The following ASS1 variants were observed in gnomAD, a reference collection of about 807,000 sequenced individuals.
ASS1 encodes argininosuccinate synthase.
Under a neutral mutation model 60.5 loss-of-function variants are expected in ASS1, and 58 were observed. The observed-to-expected ratio is 0.96, with a 90% confidence interval of 0.78 to 1.19. ASS1 has a LOEUF of 1.19. ASS1 is among the 50% of genes most tolerant of loss of function. The pLI, the probability that ASS1 is intolerant of heterozygous loss-of-function variation, is 0.00. For missense variants in ASS1, 454 were observed against 547.3 expected, an observed-to-expected ratio of 0.83 and a Z score of 1.70; for synonymous variants, 200 against 206.9, an observed-to-expected ratio of 0.97 and a Z score of 0.29.
intron 13 of ASS1, among the ~76,000 whole-genome samples, chr9:130,498,950 G>A (rs1349743015): frequency 6.6e-6 from 1 of 152,188 alleles, no homozygotes; most frequent in Non-Finnish European, 1.5e-5. Flanking sequence ...ACTGGCAGTG[G>A]GTGCCCAGGT....
intron 11 of ASS1, among the ~76,000 whole-genome samples, chr9:130,487,675 A>C (rs1321701244): frequency 6.6e-6 from 1 of 151,772 alleles, no homozygotes; most frequent in African/African-American, 2.4e-5. Context: ...TGGAACATAC[A>C]GTGTTTGTTT....
At chr9:130,467,721 G>A (rs1290769472) in intron 6 of ASS1, among the ~76,000 whole-genome samples, 2 of 152,184 alleles carry the variant, frequency 1.3e-5, no homozygotes, top group South Asian at 4.1e-4. Context: ...TAAGGGAGCC[G>A]GGTTGGTGAG....
At chr9:130,498,991 T>C (rs1279682814) in intron 13 of ASS1, among the ~76,000 whole-genome samples, 1 of 152,144 alleles carries the variant, frequency 6.6e-6, no homozygotes, top group Non-Finnish European at 1.5e-5. Context: ...GTCTAACTGG[T>C]TGGACACATG....
rs1846409860 is a variant in ASS1, at chr9:130,489,952, A to G, written c.970+488A>G. On this transcript the variant is annotated intron_variant, in intron 12 of 14. Transcript: ENST00000352480. The surrounding 1 kb of genome is among the most constrained non-coding windows in gnomAD (Gnocchi z 4.1). ...TCCAGGAAGAACCTGGACCTACTCC[A>G]TGAACTTGAGGGAGAGGCTCCCTGG... Among the ~76,000 whole-genome samples, 1 of 152,242 alleles carries G rather than the reference A, an allele frequency of 6.6e-6. No individual in the cohort carries two copies. The highest frequency in any genetic ancestry group is 1.5e-5 in the Non-Finnish European group (1 of 68,038).
At chr9:130,474,556 TGGAGA>T (rs1845968595) in intron 8 of ASS1, among the ~76,000 whole-genome samples, 1 of 152,190 alleles carries the variant, frequency 6.6e-6, no homozygotes, top group Admixed American at 6.5e-5. Flanking sequence ...CCCAGGCAGC[TGGAGA>T]TGGGGCTGTG....
intron 11 of ASS1, among the ~76,000 whole-genome samples, chr9:130,486,989 G>A (rs1242298466): frequency 6.6e-6 from 1 of 151,362 alleles, no homozygotes; most frequent in Non-Finnish European, 1.5e-5. Context: ...GAGACCCCGG[G>A]GCCGGGCCCA....
At position 130,476,794 on chromosome 9, in the gene ASS1, G is replaced by C; in HGVS notation, c.598-77G>C. 7.4e-7 allele frequency: 1 copy of C among 1,359,254 alleles called. No individual in the cohort carries two copies. Among genetic ancestry groups the C allele is most frequent in the Non-Finnish European group, 1.1e-6 (1 of 949,564 alleles). 84.2% of individuals were successfully genotyped at this position (1,359,254 alleles called of 1,614,324 possible). ...GAAATGGACAGAGGAGAGGGGTGCA[G>C]ATCCCCGCGGGAGGTGGGCTGTAGG... On this transcript the variant is annotated intron_variant, in intron 8 of 14. Transcript: ENST00000352480. The surrounding 1 kb of genome is among the most constrained non-coding windows in gnomAD (Gnocchi z 4.9).
At chr9:130,463,006 T>C (rs914971) in intron 4 of ASS1, among the ~76,000 whole-genome samples, 98,467 of 152,180 alleles carry the variant, frequency 0.65, 36,474 homozygotes, top group East Asian at 0.97. Context: ...ACATAGTAGG[T>C]GCTCACTAAA....
chr9:130,480,535 C>T, intron 11 of ASS1, 86 bp downstream of exon 11: 1 of 1,451,006 alleles, frequency 6.9e-7, no homozygotes, highest in Non-Finnish European at 9.5e-7. Flanking sequence ...TTGGACGCTA[C>T]TACCCCCATG....
At chr9:130,471,768 A>G (rs1362602014) in intron 8 of ASS1, among the ~76,000 whole-genome samples, 1 of 152,130 alleles carries the variant, frequency 6.6e-6, no homozygotes, top group Non-Finnish European at 1.5e-5. Context: ...GGGGAAGGAA[A>G]TATCTCAGGG....
At chr9:130,497,910 A>G (rs1399274172) in intron 13 of ASS1, among the ~76,000 whole-genome samples, 1 of 152,206 alleles carries the variant, frequency 6.6e-6, no homozygotes, top group Non-Finnish European at 1.5e-5. Context: ...CTGCACAGAA[A>G]GGGGTGGCCA....
chr9:130,472,374 C>T (rs1045001923), intron 8 of ASS1, among the ~76,000 whole-genome samples: 5 of 152,132 alleles, frequency 3.3e-5, no homozygotes, highest in South Asian at 2.1e-4. Context: ...CTCTCACGCC[C>T]GCGTGCCGCC....
intron 8 of ASS1, among the ~76,000 whole-genome samples, chr9:130,474,318 G>C (rs955150203): frequency 6.6e-6 from 1 of 152,210 alleles, no homozygotes; most frequent in Admixed American, 6.5e-5. Flanking sequence ...GCGGTCTGCA[G>C]AAACTCGTCC....
chr9:130,470,728 A>G lies in ASS1; in HGVS notation c.496-106A>G, dbSNP rs2131886309. On this transcript the variant is annotated intron_variant, in intron 6 of 14. Coordinates refer to ENST00000352480, the MANE Select transcript of ASS1 (RefSeq NM_054012.4). The surrounding 1 kb of genome is among the most constrained non-coding windows in gnomAD (Gnocchi z 4.3). ...AGGAGGTAGCCAGGGTCTTGTCTGA[A>G]TGGGGGCCAGAGTTTGGGGCTCTCT... is the stretch of plus-strand genomic sequence containing the variant. 7 of 1,129,694 alleles carry G rather than the reference A, an allele frequency of 6.2e-6. No homozygotes were observed. The East Asian group carries it at 1.6e-4, about 26-fold the overall frequency. The allele number at this position is 1,129,694 out of a possible 1,614,324, so 70.0% of individuals were successfully genotyped here.
Position 130,479,732 on chromosome 9 carries a change from G to A in ASS1, c.705G>A (p.Val235=), listed in dbSNP as rs1846119886. Residue 235 remains valine, a synonymous_variant, in exon 10 of 15, where the codon GTG becomes GTA. Transcript: ENST00000352480. ...CCACCCTAGGGGTCCCTGTGAAGGTGACCAACGTCAAGGATGGCACCACCC... is the reference window on the plus strand; with the variant it reads ...CCACCCTAGGGGTCCCTGTGAAGGTAACCAACGTCAAGGATGGCACCACCC... ...IEFKKGVPVK[V]TNVKDGTTHQ... The A allele has an allele frequency of 6.2e-7, 1 of 1,614,160 alleles. No homozygotes were observed. Among genetic ancestry groups the A allele is most frequent in the African/African-American group, 1.3e-5 (1 of 75,060 alleles).
In ASS1 at chr9:130,477,887, G is replaced by A. The variant is rs977855317; in HGVS notation, c.688+926G>A. On this transcript the variant is annotated intron_variant, in intron 9 of 14. Transcript: ENST00000352480. This position sits in a 1 kb window ranked among gnomAD's most constrained non-coding sequence, Gnocchi z 4.2. ...TCGTGGAGAGGCCTGGCCCGGCTCTGGCGCTCGGCTCTTACCCCGGCTACC... is the reference window on the plus strand; with the variant it reads ...TCGTGGAGAGGCCTGGCCCGGCTCTAGCGCTCGGCTCTTACCCCGGCTACC... Among the ~76,000 whole-genome samples the A allele has an allele frequency of 3.3e-5, 5 of 152,172 alleles. No homozygotes were observed. Among genetic ancestry groups the A allele is most frequent in the Non-Finnish European group, 7.4e-5 (5 of 68,010 alleles).
chr9:130,458,332 C>G, intron 3 of ASS1, 69 bp from the exon 4 acceptor site: 1 of 1,601,072 alleles, frequency 6.2e-7, no homozygotes, highest in Non-Finnish European at 8.5e-7. Context: ...GCTGAGGCCC[C>G]TGGGGCTCTG....
rs902369567 is a variant in ASS1, at chr9:130,501,106, G to C, written c.*85G>C. On this transcript the variant is annotated 3_prime_UTR_variant, in exon 15 of 15. Coordinates refer to ENST00000352480, the MANE Select transcript of ASS1 (RefSeq NM_054012.4). ...CTAATTGTTGTGATAATTTGTAATT[G>C]TGACTTGTTCTCCCCGGCTGGCAGC... The C allele has an allele frequency of 4.8e-6, 7 of 1,457,004 alleles. No homozygotes were observed. The East Asian group carries it at 1.6e-4, about 33-fold the overall frequency. 90.3% of individuals were successfully genotyped at this position (1,457,004 alleles called of 1,614,324 possible).
upstream of ASS1, among the ~76,000 whole-genome samples, chr9:130,444,753 G>A (rs935566682): frequency 6.6e-6 from 1 of 151,892 alleles, no homozygotes; most frequent in Non-Finnish European, 1.5e-5. This position sits in a 1 kb window ranked among gnomAD's most constrained non-coding sequence, Gnocchi z 4.7. Flanking sequence ...CCCAGGCCCG[G>A]ACCTGGTGGG....
Sources: gnomAD v4.1 joint callset for allele counts (sites outside exome capture counted in the v4.1 genomes callset) on GRCh38, gnomAD v4.1.1 for gene constraint, Gnocchi (gnomAD v3.1) non-coding constraint, MANE v1.5 for transcripts, NCBI Gene and HGNC (gene_info 2026-07-23, HGNC 2026-07-21) for gene names.